DVL2: variants seen among roughly 807,000 people sequenced by gnomAD.
The protein encoded by DVL2 is dishevelled segment polarity protein 2, also known as segment polarity protein dishevelled homolog DVL-2.
In DVL2, 38 loss-of-function variants were observed where a neutral mutation model predicts 69.8. The observed-to-expected ratio is 0.54, with a 90% CI of 0.42 to 0.71. The LOEUF is 0.71. Among genes scored for constraint, DVL2 ranks in the 30% least tolerant of loss-of-function variants. The probability of loss-of-function intolerance (pLI) is 0.00; values close to 1 mark genes in which losing one functional copy is unlikely to be tolerated. For missense variants in DVL2, 931 were observed against 1,008.1 expected (o/e 0.92, Z 1.04); for synonymous variants, 428 against 392.4 (o/e 1.09, Z -1.07).
At position 7,229,056 on chromosome 17, in the gene DVL2, C is replaced by G. The variant is rs369787119; in HGVS notation, c.958-11G>C. 6 of 1,614,120 alleles carry G rather than the reference C, an allele frequency of 3.7e-6. No individual in the cohort carries two copies. In the Admixed American group the frequency reaches 6.7e-5, roughly 18 times the overall value. Reference sequence around the variant, plus strand: ...GTTCATGTCATTCACCTGGAAGCGACGGCAAGTGGGTCAGAGACACGGTGG... The same window carrying G: ...GTTCATGTCATTCACCTGGAAGCGAGGGCAAGTGGGTCAGAGACACGGTGG... On this transcript the variant is annotated splice_polypyrimidine_tract_variant and intron_variant, in intron 8 of 14. Coordinates refer to ENST00000005340, the MANE Select transcript of DVL2 (RefSeq NM_004422.3). This position sits in a 1 kb window ranked among gnomAD's most constrained non-coding sequence, Gnocchi z 4.4.
Position 7,229,515 on chromosome 17 carries a change from T to A in DVL2, c.748-68A>T. 6.2e-7 allele frequency: 1 copy of A among 1,611,180 alleles called. No individual in the cohort carries two copies. Among genetic ancestry groups the A allele is most frequent in the Non-Finnish European group, 8.5e-7 (1 of 1,177,598 alleles). On this transcript the variant is annotated intron_variant, in intron 6 of 14. Coordinates refer to ENST00000005340, the MANE Select transcript of DVL2 (RefSeq NM_004422.3). This position sits in a 1 kb window ranked among gnomAD's most constrained non-coding sequence, Gnocchi z 4.4. ...GGTCAACCCTGGGGTGCTGCCGGTG[T>A]CCTGGCACCGCCCAAACCAAAGCCC... is the stretch of plus-strand genomic sequence containing the variant.
At chr17:7,228,230 T>TA in intron 9 of DVL2, 186 bp from the exon 10 acceptor site, 1 of 545,132 alleles carries the variant, frequency 1.8e-6, no homozygotes, top group Non-Finnish European at 3.3e-6. Flanking sequence ...GGAAAACTCT[T>TA]AAAAACATAC....
intron 1 of DVL2, chr17:7,233,814 T>C: frequency 1.8e-6 from 1 of 569,564 alleles, no homozygotes; most frequent in Non-Finnish European, 3.1e-6. Flanking sequence ...CATAAACCAG[T>C]ATGCCCCCAC....
In DVL2 at chr17:7,225,715, GGCA is replaced by G; in HGVS notation, c.*147_*149del. The G allele has an allele frequency of 1.4e-6, 1 of 694,130 alleles. No homozygotes were observed. The highest frequency in any genetic ancestry group is 2.5e-6 in the Non-Finnish European group (1 of 398,492). The allele number at this position is 694,130 out of a possible 1,614,324, so 43.0% of individuals were successfully genotyped here. ...CCCCTGAGGGAAGGGGGAGGAACCAGGCACTGCTGGTGAGAGTCACAGTGGCCA... is the reference window on the plus strand; with the variant it reads ...CCCCTGAGGGAAGGGGGAGGAACCAGCTGCTGGTGAGAGTCACAGTGGCCA... On this transcript the variant is annotated 3_prime_UTR_variant, in exon 15 of 15. Coordinates refer to ENST00000005340, the MANE Select transcript of DVL2 (RefSeq NM_004422.3).
At chr17:7,228,077 G>A (rs752853482) in intron 9 of DVL2, 33 bp from the exon 10 acceptor site, 2 of 1,513,346 alleles carry the variant, frequency 1.3e-6, no homozygotes, top group East Asian at 2.3e-5. Context: ...CAAGGGCGCA[G>A]GGGAAGAGGA....
chr17:7,230,614 G>A (rs966903026), intron 2 of DVL2, 114 bp downstream of exon 2: 6 of 1,331,158 alleles, frequency 4.5e-6, no homozygotes, highest in East Asian at 2.3e-5. Flanking sequence ...CAGACAGGAG[G>A]TAAAGAGCCA....
rs147610025 is a variant in DVL2 at position 7,226,041 on chromosome 17, G to A, written c.2035C>T (p.Pro679Ser). Residue 679 changes from proline to serine, a missense_variant, in exon 15 of 15, where the codon CCC becomes TCC. Pro to Ser is a moderately conservative substitution (Grantham distance 74, BLOSUM62 -1). This residue lies in a region of DVL2 where 314 missense variants were observed against 313.7 expected (regional missense o/e 1.00). Coordinates refer to ENST00000005340, the MANE Select transcript of DVL2 (RefSeq NM_004422.3). The stretch of plus-strand genomic sequence containing the variant: ...GGGGGCATCATGACCACCATCATGG[G>A]GTTGTAGGGGAGGGCCATGCCAGGG... The part of the protein sequence containing the change: ...PPPGMALPYN[P>S]MMVVMMPPPP... The A allele has an allele frequency of 9.1e-5, 147 of 1,610,010 alleles. No individual in the cohort carries two copies. Among genetic ancestry groups the A allele is most frequent in the Middle Eastern group, 3.3e-4 (2 of 6,060 alleles).
At chr17:7,233,897 C>G (rs767959517) in intron 1 of DVL2, 172 bp downstream of exon 1, 2 of 720,230 alleles carry the variant, frequency 2.8e-6, no homozygotes, top group Non-Finnish European at 4.7e-6. Flanking sequence ...CTCAATCTAT[C>G]CAAGCATAAC....
Position 7,227,411 on chromosome 17 carries a change from G to A in DVL2, c.1356C>T (p.Ala452=), listed in dbSNP as rs753248429. ...RMWLKITIPN[A]FLGSDVVDWL... ...CCCAGGACCCAGCCATACCCAGAAAGGCATTAGGGATGGTGATCTTGAGCC... is the reference window on the plus strand; with the variant it reads ...CCCAGGACCCAGCCATACCCAGAAAAGCATTAGGGATGGTGATCTTGAGCC... Residue 452 remains alanine (A), a synonymous_variant, in exon 12 of 15, where the codon GCC becomes GCT. Coordinates refer to ENST00000005340, the MANE Select transcript of DVL2 (RefSeq NM_004422.3). 2.5e-6 allele frequency: 4 copies of A among 1,613,904 alleles called. No homozygotes were observed. Among genetic ancestry groups the A allele is most frequent in the East Asian group, 2.2e-5 (1 of 44,860 alleles).
chr17:7,230,009 GGCCCAGCCCTTCCCGGCCCCCAGGCCT>G lies in DVL2; in HGVS notation c.520+10_520+36del, dbSNP rs1181121125. ...GCTCACCCCACCAAGGCTGGGGTCTGGCCCAGCCCTTCCCGGCCCCCAGGCCTGCCCCTCACCGCCATGCTCACTGCT... is the reference window on the plus strand; with the variant it reads ...GCTCACCCCACCAAGGCTGGGGTCTGGCCCCTCACCGCCATGCTCACTGCT... On this transcript the variant is annotated intron_variant, in intron 4 of 14. Coordinates refer to ENST00000005340, the MANE Select transcript of DVL2 (RefSeq NM_004422.3). 3 of 1,611,918 alleles carry G rather than the reference GGCCCAGCCCTTCCCGGCCCCCAGGCCT, an allele frequency of 1.9e-6. No homozygotes were observed. In the East Asian group the frequency reaches 6.7e-5, roughly 36 times the overall value.
chr17:7,229,489 G>A lies in DVL2; in HGVS notation c.748-42C>T, dbSNP rs779117636. On this transcript the variant is annotated intron_variant, in intron 6 of 14. Coordinates refer to ENST00000005340, the MANE Select transcript of DVL2 (RefSeq NM_004422.3). The surrounding 1 kb of genome is among the most constrained non-coding windows in gnomAD (Gnocchi z 4.4). ...AGCCAGAGTGCCCTTCAATAACCCAGGGTCAACCCTGGGGTGCTGCCGGTG... is the reference window on the plus strand; with the variant it reads ...AGCCAGAGTGCCCTTCAATAACCCAAGGTCAACCCTGGGGTGCTGCCGGTG... 25 of 1,613,636 alleles carry A rather than the reference G, an allele frequency of 1.5e-5. No individual in the cohort carries two copies. Among genetic ancestry groups the A allele is most frequent in the Non-Finnish European group, 2.0e-5 (24 of 1,179,682 alleles).
chr17:7,226,624 G>T lies in DVL2; in HGVS notation c.1559C>A (p.Ser520Tyr). ...GGCESYLVNL[S>Y]LNDNDGSSGA... is the part of the protein sequence containing the mutation. The stretch of plus-strand genomic sequence containing the variant: ...ACTGGAGCCATCGTTGTCATTGAGA[G>T]ACAGGTTGACTAGGTCTGGAAAGCA... Residue 520 changes from serine to tyrosine, a missense_variant, in exon 14 of 15, where the codon TCT becomes TAT. Ser to Tyr is a moderately radical substitution (Grantham distance 144, BLOSUM62 -2). Transcript: ENST00000005340. 6.4e-7 allele frequency: 1 copy of T among 1,569,892 alleles called. No homozygotes were observed.
At chr17:7,226,852 G>T (rs35497562) in intron 13 of DVL2, 4 of 626,686 alleles carry the variant, frequency 6.4e-6, no homozygotes, top group Non-Finnish European at 1.1e-5. Flanking sequence ...GCGGGACTCA[G>T]GTAAGAGGTG....
chr17:7,227,142 G>A lies in DVL2; in HGVS notation c.1491C>T (p.Phe497=), dbSNP rs995077366. The A allele has an allele frequency of 7.4e-6, 12 of 1,614,090 alleles. No individual in the cohort carries two copies. The Admixed American group carries it at 1.0e-4, about 13-fold the overall frequency. The stretch of plus-strand genomic sequence containing the variant: ...CGAAGACGTAATAGCACTGCTCAGA[G>A]AAGGTGATCTTGTTGACGGTGTGTC... ...LIRHTVNKIT[F]SEQCYYVFGD... is the part of the protein sequence containing the mutation. The change falls in exon 13 of 15, where the codon TTC becomes TTT. Residue 497 remains phenylalanine, a synonymous_variant. Coordinates refer to ENST00000005340, the MANE Select transcript of DVL2 (RefSeq NM_004422.3).
chr17:7,227,389 A>G lies in DVL2; in HGVS notation c.1363+15T>C. 1 of 1,612,474 alleles carries G rather than the reference A, an allele frequency of 6.2e-7. No homozygotes were observed. The highest frequency in any genetic ancestry group is 8.5e-7 in the Non-Finnish European group (1 of 1,178,628). On this transcript the variant is annotated intron_variant, in intron 12 of 14. Transcript: ENST00000005340. ...CCTCCCCTTCTCCAGCCACCTGCCC[A>G]GGACCCAGCCATACCCAGAAAGGCA...
In DVL2 at chr17:7,226,152, C is replaced by T. The variant is rs1447175372; in HGVS notation, c.1924G>A (p.Asp642Asn). ...RRGGEASGTSDGGPPPSRGST... is the reference protein window; with the variant it reads ...RRGGEASGTSNGGPPPSRGST... ...CCTCTGGATGGAGGAGGGCCCCCATCGCTAGTCCCACTTGCTTCCCCACCC... is the reference window on the plus strand; with the variant it reads ...CCTCTGGATGGAGGAGGGCCCCCATTGCTAGTCCCACTTGCTTCCCCACCC... Residue 642 changes from aspartate (D) to asparagine (N), a missense_variant, in exon 15 of 15, where the codon GAT (aspartate) becomes AAT (asparagine). Around this residue, in one of 3 missense-constraint regions of DVL2, gnomAD observed 314 missense variants for 313.7 expected, o/e 1.00. Coordinates refer to ENST00000005340, the MANE Select transcript of DVL2 (RefSeq NM_004422.3). 5 of 1,608,842 alleles carry T rather than the reference C, an allele frequency of 3.1e-6. No homozygotes were observed. The highest frequency in any genetic ancestry group is 2.2e-5 in the South Asian group (2 of 90,666).
At position 7,227,094 on chromosome 17, in the gene DVL2, C is replaced by T. The variant is rs1411800827; in HGVS notation, c.1539G>A (p.Glu513=). The part of the protein sequence containing the change: ...YVFGDLSGGC[E]SYLVNLSLND... ...AGTTGGGGCAGGGGGACTTACAGCTCTCACAGCCACCACTGAGGTCTCCGA... is the reference window on the plus strand; with the variant it reads ...AGTTGGGGCAGGGGGACTTACAGCTTTCACAGCCACCACTGAGGTCTCCGA... Residue 513 remains glutamate, a synonymous_variant, in exon 13 of 15, where the codon GAG becomes GAA. Coordinates refer to ENST00000005340, the MANE Select transcript of DVL2 (RefSeq NM_004422.3). The T allele has an allele frequency of 4.4e-6, 7 of 1,607,220 alleles. No homozygotes were observed. Among genetic ancestry groups the T allele is most frequent in the Non-Finnish European group, 5.9e-6 (7 of 1,176,586 alleles).
chr17:7,226,247 C>T lies in DVL2; in HGVS notation c.1829G>A (p.Arg610Gln), dbSNP rs757949522. 49 of 1,610,922 alleles carry T rather than the reference C, an allele frequency of 3.0e-5. No individual in the cohort carries two copies. Among genetic ancestry groups the T allele is most frequent in the Admixed American group, 1.0e-4 (6 of 59,858 alleles). Residue 610 changes from arginine to glutamine, a missense_variant, in exon 15 of 15, where the codon CGG becomes CAG. Coordinates refer to ENST00000005340, the MANE Select transcript of DVL2 (RefSeq NM_004422.3). ...GAGRTGRPEERAPESKSGSGS... is the reference protein window; with the variant it reads ...GAGRTGRPEEQAPESKSGSGS... The stretch of plus-strand genomic sequence containing the variant: ...ACTGCCGGACTTGGACTCGGGGGCC[C>T]GCTCCTCGGGCCTCCCCGTGCGCCC...
At chr17:7,233,952 C>G (rs761709560) in intron 1 of DVL2, 117 bp downstream of exon 1, 23 of 1,106,426 alleles carry the variant, frequency 2.1e-5, no homozygotes, top group Non-Finnish European at 2.9e-5. Flanking sequence ...ATAGTACAAT[C>G]TGCTCCACCA....
Sources: gnomAD v4.1 joint callset for allele counts on GRCh38, gnomAD v4.1.1 for gene constraint, gnomAD v4.1.1 regional missense constraint, Gnocchi (gnomAD v3.1) non-coding constraint, MANE v1.5 for transcripts, NCBI Gene and HGNC (gene_info 2026-07-23, HGNC 2026-07-21) for gene names.